Variants in TPRG1 observed in about 807,000 individuals in gnomAD.
TPRG1 encodes tumor protein p63 regulated 1, also known as tumor protein p63-regulated gene 1 protein.
A neutral mutation model predicts 29.3 loss-of-function variants in TPRG1; 29 were observed. The ratio of observed to expected loss-of-function variants is 0.99; its 90% CI spans 0.74 to 1.35. The LOEUF (loss-of-function observed/expected upper bound fraction) is 1.35. Ranked by LOEUF, TPRG1 falls within the 40% of genes most tolerant of loss-of-function variation. The pLI, the probability that TPRG1 is intolerant of heterozygous loss-of-function variation, is 0.00. For missense variants in TPRG1, 327 were observed against 335.0 expected, an observed-to-expected ratio of 0.98 and a Z score of 0.19; for synonymous variants, 130 against 116.8, an observed-to-expected ratio of 1.11 and a Z score of -0.73.
In TPRG1 at chr3:189,298,639, C is replaced by T. The variant is rs1720334480; in HGVS notation, c.480-11747C>T. Among the ~76,000 whole-genome samples the T allele has an allele frequency of 3.3e-5, 5 of 152,096 alleles. No homozygotes were observed. In the South Asian group the frequency reaches 1.0e-3, roughly 32 times the overall value. The stretch of plus-strand genomic sequence containing the variant: ...ATACTCACTTTGGCAGGGAAGGGGC[C>T]ACAGAATACCCAACCCTTGCTCAAC... On this transcript the variant is annotated intron_variant, in intron 4 of 5. Transcript: ENST00000345063.
At chr3:189,095,207 T>A (rs951396787), upstream of TPRG1, among the ~76,000 whole-genome samples, 2 of 152,148 alleles carry the variant, frequency 1.3e-5, no homozygotes, top group Non-Finnish European at 2.9e-5. Context: ...ATCTTTTACC[T>A]TCTAATTGCC....
rs181040104 is a variant in TPRG1, at chr3:189,294,902, C to T, written c.480-15484C>T. Among the ~76,000 whole-genome samples, 14 of 152,120 alleles carry T rather than the reference C, an allele frequency of 9.2e-5. No individual in the cohort carries two copies. The East Asian group carries it at 1.5e-3, about 17-fold the overall frequency. On this transcript the variant is annotated intron_variant, in intron 4 of 5. Coordinates refer to ENST00000345063, the MANE Select transcript of TPRG1 (RefSeq NM_198485.4). ...AGTTCTAGGGTGCATGTGCACAATG[C>T]GCAGGTTTGTTACATATGTATACAT...
chr3:189,069,674 C>T (rs1358589653), intron 4 of TPRG1, among the ~76,000 whole-genome samples: 2 of 152,156 alleles, frequency 1.3e-5, no homozygotes, highest in Admixed American at 6.5e-5. Context: ...AACTGACATT[C>T]CCACAAAATG....
chr3:189,241,776 G>A (rs1426491773), intron 4 of TPRG1, among the ~76,000 whole-genome samples: 2 of 151,966 alleles, frequency 1.3e-5, no homozygotes, highest in Non-Finnish European at 2.9e-5. Context: ...AGTTTATTAC[G>A]GGGTTCTGCT....
chr3:189,016,965 A>G (rs1463614734), intron 3 of TPRG1, among the ~76,000 whole-genome samples: 1 of 152,090 alleles, frequency 6.6e-6, no homozygotes, highest in Non-Finnish European at 1.5e-5. Flanking sequence ...GCATTTCCTG[A>G]ATTTGAATGT....
rs546983942 is a variant in TPRG1 at position 189,206,501 on chromosome 3, T to TA, written c.-9-875_-9-874insA. On this transcript the variant is annotated intron_variant, in intron 1 of 5. Transcript: ENST00000345063. ...AGATGCGGTGTTGTGATGAACAAAC[T>TA]TTTTTTTTTTTTTTTTTGAGACAGG... Among the ~76,000 whole-genome samples, 6 of 19,996 alleles carry TA rather than the reference T, an allele frequency of 3.0e-4. No homozygotes were observed. The African/African-American group carries it at 5.6e-3, about 19-fold the overall frequency. The allele number at this position is 19,996 out of a possible 152,430, so 13.1% of individuals were successfully genotyped here.
chr3:189,151,493 A>C (rs1725927537), intron 5 of TPRG1, among the ~76,000 whole-genome samples: 1 of 152,116 alleles, frequency 6.6e-6, no homozygotes, highest in Admixed American at 6.5e-5. Flanking sequence ...TGAGGCCATT[A>C]AACTCCTTTG....
intron 1 of TPRG1, among the ~76,000 whole-genome samples, chr3:189,180,438 G>C (rs1410634332): frequency 6.6e-6 from 1 of 152,184 alleles, no homozygotes; most frequent in East Asian, 1.9e-4. Flanking sequence ...CCTAGACACA[G>C]TGGGGGTACA....
At chr3:189,139,732 C>T in intron 3 of TPRG1, among the ~76,000 whole-genome samples, 1 of 150,876 alleles carries the variant, frequency 6.6e-6, no homozygotes, top group Non-Finnish European at 1.5e-5. Context: ...ACTTTACAGT[C>T]CCCCATGGCA....
intron 4 of TPRG1, among the ~76,000 whole-genome samples, chr3:189,255,907 C>T (rs1230891074): frequency 6.6e-6 from 1 of 151,388 alleles, no homozygotes; most frequent in Non-Finnish European, 1.5e-5. Context: ...ATTTATCATT[C>T]TTTATTAGTC....
intron 4 of TPRG1, among the ~76,000 whole-genome samples, chr3:189,147,948 G>A (rs1003617053): frequency 6.6e-6 from 1 of 152,170 alleles, no homozygotes; most frequent in Non-Finnish European, 1.5e-5. Context: ...TCAAACCTAA[G>A]TTTCTCTGTC....
intron 1 of TPRG1, among the ~76,000 whole-genome samples, chr3:189,187,703 C>T (rs902144429): frequency 6.6e-6 from 1 of 152,168 alleles, no homozygotes; most frequent in African/African-American, 2.4e-5. Flanking sequence ...AATTGCCACT[C>T]AAACTCAGGT....
At chr3:189,225,119 G>T (rs760389896) in intron 3 of TPRG1, among the ~76,000 whole-genome samples, 4 of 152,018 alleles carry the variant, frequency 2.6e-5, no homozygotes, top group Non-Finnish European at 5.9e-5. Context: ...TTTTAGTAGA[G>T]ATGGGGTTTC....
At chr3:189,268,769 T>C (rs1313344446) in intron 4 of TPRG1, among the ~76,000 whole-genome samples, 1 of 152,184 alleles carries the variant, frequency 6.6e-6, no homozygotes, top group African/African-American at 2.4e-5. Context: ...TGTCAGAGAT[T>C]TGGCTTTTAT....
intron 3 of TPRG1, among the ~76,000 whole-genome samples, chr3:189,011,524 A>G (rs1193364132): frequency 1.3e-5 from 2 of 152,214 alleles, no homozygotes; most frequent in Non-Finnish European, 2.9e-5. Context: ...GGCAAGGAGA[A>G]GCAAATCAAA....
rs567143041 is a variant in TPRG1, at chr3:189,017,118, G to C, written c.-659-6632G>C. ...TCTTTTCATAATCCCATATTTCTTGGACATTTTGTTCATGCCTTTTCATTT... is the reference window on the plus strand; with the variant it reads ...TCTTTTCATAATCCCATATTTCTTGCACATTTTGTTCATGCCTTTTCATTT... On this transcript the variant is annotated intron_variant, in intron 3 of 10. Transcript: ENST00000433971. 2.0e-5 allele frequency among the ~76,000 whole-genome samples: 3 copies of C among 151,086 alleles called. No homozygotes were observed. The South Asian group carries it at 6.3e-4, about 32-fold the overall frequency.
chr3:189,234,016 G>A (rs929139083), intron 3 of TPRG1, among the ~76,000 whole-genome samples: 7 of 152,036 alleles, frequency 4.6e-5, no homozygotes, highest in East Asian at 1.9e-4. Context: ...GACTATAGCC[G>A]CGGACCAACA....
intron 4 of TPRG1, among the ~76,000 whole-genome samples, chr3:189,080,798 G>A (rs1250487679): frequency 6.6e-6 from 1 of 151,860 alleles, no homozygotes; most frequent in African/African-American, 2.4e-5. Flanking sequence ...AATAGCACTG[G>A]GATTAACTAG....
At chr3:189,068,038 C>T (rs530232075) in intron 4 of TPRG1, among the ~76,000 whole-genome samples, 5 of 152,046 alleles carry the variant, frequency 3.3e-5, no homozygotes, top group African/African-American at 4.8e-5. Flanking sequence ...CAAATGAAGA[C>T]GTACAAATGG....
Sources: allele counts gnomAD v4.1 joint callset (sites outside exome capture counted in the v4.1 genomes callset), GRCh38; gene constraint gnomAD v4.1.1; transcripts MANE v1.5; gene names NCBI Gene and HGNC (gene_info 2026-07-23, HGNC 2026-07-21).